Variants in ICA1 observed in about 807,000 individuals in gnomAD.
The protein encoded by ICA1 is islet cell autoantigen 1, also known as 69 kDa islet cell autoantigen.
ICA1 carries 40 observed loss-of-function variants against 71.0 expected under a neutral mutation model. That is an observed-to-expected ratio of 0.56 (90% confidence interval 0.44 to 0.73). ICA1 has a LOEUF of 0.73. Ranked by LOEUF, ICA1 falls within the 30% of genes least tolerant of loss-of-function variation. The probability of loss-of-function intolerance (pLI) is 0.00; values close to 1 mark genes in which losing one functional copy is unlikely to be tolerated. For missense variants in ICA1, 578 were observed against 576.5 expected (o/e 1.00, Z -0.03); for synonymous variants, 207 against 209.5 (o/e 0.99, Z 0.10).
intron 10 of ICA1, among the ~76,000 whole-genome samples, chr7:8,139,775 A>G (rs1371758021): frequency 1.3e-5 from 2 of 152,236 alleles, no homozygotes; most frequent in Non-Finnish European, 2.9e-5. Flanking sequence ...GGGGAAAGGA[A>G]TCTATGAGAA....
chr7:8,229,306 A>G (rs1361531620), intron 3 of ICA1, among the ~76,000 whole-genome samples: 1 of 152,242 alleles, frequency 6.6e-6, no homozygotes, highest in Non-Finnish European at 1.5e-5. Flanking sequence ...TGCTGTGGCC[A>G]TACTAGCGGA....
intron 6 of ICA1, among the ~76,000 whole-genome samples, chr7:8,174,895 G>A (rs763439963): frequency 1.3e-5 from 2 of 152,056 alleles, no homozygotes; most frequent in Non-Finnish European, 2.9e-5. Flanking sequence ...CTGAATAGTA[G>A]GGGAAAGAAA....
intron 6 of ICA1, among the ~76,000 whole-genome samples, chr7:8,177,081 C>T (rs1306510168): frequency 3.3e-5 from 5 of 152,164 alleles, no homozygotes; most frequent in Admixed American, 6.6e-5. Context: ...TGAAAATATT[C>T]TAATGCATAC....
intron 6 of ICA1, among the ~76,000 whole-genome samples, chr7:8,175,313 T>C (rs1584913550): frequency 6.6e-6 from 1 of 152,184 alleles, no homozygotes. Flanking sequence ...TAATCATCAG[T>C]ATTTTGCCAA....
chr7:8,205,435 A>C (rs1791180955), intron 6 of ICA1, among the ~76,000 whole-genome samples: 2 of 152,228 alleles, frequency 1.3e-5, no homozygotes, highest in South Asian at 4.1e-4. Context: ...TCCCAGTCAT[A>C]CCTGACTTTA....
chr7:8,186,426 C>T (rs1466611002), intron 6 of ICA1, among the ~76,000 whole-genome samples: 2 of 152,028 alleles, frequency 1.3e-5, no homozygotes, highest in South Asian at 2.1e-4. Flanking sequence ...TGGTTCTGAA[C>T]GACAGGCTGA....
rs1298951986 is a variant in ICA1 at position 8,222,996 on chromosome 7, A to G, written c.257-1598T>C. Among the ~76,000 whole-genome samples, 2 of 152,148 alleles carry G rather than the reference A, an allele frequency of 1.3e-5. No homozygotes were observed. The highest frequency in any genetic ancestry group is 1.9e-4 in the East Asian group (1 of 5,200). On this transcript the variant is annotated intron_variant, in intron 4 of 13. Coordinates refer to ENST00000402384, the MANE Select transcript of ICA1 (RefSeq NM_001136020.3). This position sits in a 1 kb window ranked among gnomAD's most constrained non-coding sequence, Gnocchi z 4.8. ...ATGCTTGTGAATTGAATTGACTACAATTTTGCCTTGTTATCCTCATACACT... is the reference window on the plus strand; with the variant it reads ...ATGCTTGTGAATTGAATTGACTACAGTTTTGCCTTGTTATCCTCATACACT...
intron 1 of ICA1, among the ~76,000 whole-genome samples, chr7:8,253,457 A>C (rs1203219066): frequency 1.3e-5 from 2 of 152,196 alleles, no homozygotes; most frequent in Non-Finnish European, 1.5e-5. Flanking sequence ...TAATATATAC[A>C]ATATGTATCC....
At chr7:8,210,055 G>A (rs528470933) in intron 6 of ICA1, among the ~76,000 whole-genome samples, 1 of 152,300 alleles carries the variant, frequency 6.6e-6, no homozygotes, top group African/African-American at 2.4e-5. Flanking sequence ...TCCAAGGAAG[G>A]GCCACAGAAA....
intron 1 of ICA1, among the ~76,000 whole-genome samples, chr7:8,237,385 T>A (rs1273119250): frequency 6.6e-6 from 1 of 152,230 alleles, no homozygotes. Context: ...ATTATCATAT[T>A]CTTCTCTTGA....
At chr7:8,159,825 A>G (rs1032777109) in intron 6 of ICA1, among the ~76,000 whole-genome samples, 3 of 152,318 alleles carry the variant, frequency 2.0e-5, no homozygotes, top group East Asian at 1.9e-4. Flanking sequence ...AAACCAGCCA[A>G]TTTTTCAAAA....
At chr7:8,261,465 C>A (rs759993442) in intron 1 of ICA1, among the ~76,000 whole-genome samples, 1 of 152,168 alleles carries the variant, frequency 6.6e-6, no homozygotes, top group African/African-American at 2.4e-5. Context: ...TTTGCTGGAA[C>A]CGGGGTTGCT....
At position 8,261,627 on chromosome 7, in the gene ICA1, A is replaced by C. The variant is rs541851969; in HGVS notation, c.-80+467T>G. Among the ~76,000 whole-genome samples, 100 of 152,172 alleles carry C rather than the reference A, an allele frequency of 6.6e-4. 1 individual carries two copies. The highest frequency in any genetic ancestry group is 2.0e-3 in the African/African-American group (84 of 41,504). The stretch of plus-strand genomic sequence containing the variant: ...AAAGGGCCACGGAGGGGAAGAGAAA[A>C]AGCACACACCAGGCGCCGCGGCAGG... On this transcript the variant is annotated intron_variant, in intron 1 of 13. Coordinates refer to ENST00000402384, the MANE Select transcript of ICA1 (RefSeq NM_001136020.3).
At position 8,213,768 on chromosome 7, in the gene ICA1, C is replaced by T. The variant is rs77238774; in HGVS notation, c.579+4537G>A. 4.1e-3 allele frequency among the ~76,000 whole-genome samples: 626 copies of T among 152,260 alleles called. 5 individuals are homozygous for T. Among genetic ancestry groups the T allele is most frequent in the African/African-American group, 0.014 (583 of 41,562 alleles). On this transcript the variant is annotated intron_variant, in intron 6 of 13. Transcript: ENST00000402384. ...ACCCAAACCTTCACAATCAGGACAC[C>T]GGAGCACCACTGACTGATGGCCCTA...
chr7:8,128,489 T>C (rs1203652132), intron 12 of ICA1, among the ~76,000 whole-genome samples: 1 of 152,200 alleles, frequency 6.6e-6, no homozygotes, highest in African/African-American at 2.4e-5. Flanking sequence ...AGTTCCTTGT[T>C]TGCATAGCTT....
At chr7:8,254,263 C>T (rs1809248264) in intron 1 of ICA1, among the ~76,000 whole-genome samples, 1 of 152,014 alleles carries the variant, frequency 6.6e-6, no homozygotes, top group African/African-American at 2.4e-5. Context: ...AAACAAACCA[C>T]CACAGCTCCT....
intron 12 of ICA1, 47 bp downstream of exon 12, chr7:8,138,793 T>A (rs1562606127): frequency 7.0e-7 from 1 of 1,423,506 alleles, no homozygotes; most frequent in Admixed American, 1.9e-5. Context: ...AAGAGTAATT[T>A]AAAAAATCAA....
chr7:8,115,875 T>A (rs141479116), intron 13 of ICA1, among the ~76,000 whole-genome samples: 22 of 152,320 alleles, frequency 1.4e-4, no homozygotes, highest in African/African-American at 5.1e-4. Flanking sequence ...CTTTCTGAGG[T>A]GCACAAATTA....
intron 9 of ICA1, chr7:8,142,034 G>C (rs572980751): frequency 1.6e-5 from 24 of 1,459,918 alleles, no homozygotes; most frequent in Non-Finnish European, 2.1e-5. Context: ...CTTTCATCTC[G>C]AGGCAAATAT....
Sources: gnomAD v4.1 joint callset for allele counts (sites outside exome capture counted in the v4.1 genomes callset) on GRCh38, gnomAD v4.1.1 for gene constraint, Gnocchi (gnomAD v3.1) non-coding constraint, MANE v1.5 for transcripts, NCBI Gene and HGNC (gene_info 2026-07-23, HGNC 2026-07-21) for gene names.